The following ATP2B2 variants were observed in gnomAD, a reference collection of about 807,000 sequenced individuals.
The protein encoded by ATP2B2 is ATPase plasma membrane Ca2+ transporting 2.
ATP2B2 carries 15 observed loss-of-function variants against 120.0 expected under a neutral mutation model. The ratio of observed to expected loss-of-function variants is 0.12; its 90% CI spans 0.08 to 0.19. The LOEUF (loss-of-function observed/expected upper bound fraction) is 0.19. Among genes scored for constraint, ATP2B2 ranks in the 10% least tolerant of loss-of-function variants. The pLI, the probability that ATP2B2 is intolerant of heterozygous loss-of-function variation, is 1.00. For missense variants in ATP2B2, 1,045 were observed against 1,719.8 expected (o/e 0.61, Z 6.94); for synonymous variants, 694 against 700.3 (o/e 0.99, Z 0.14).
chr3:10,598,947 A>C (rs1467991490), intron 2 of ATP2B2, among the ~76,000 whole-genome samples: 2 of 152,330 alleles, frequency 1.3e-5, no homozygotes, highest in East Asian at 3.9e-4. Context: ...CCCTTCAGGG[A>C]AAAGCATATC....
intron 3 of ATP2B2, among the ~76,000 whole-genome samples, chr3:10,532,767 A>G (rs1014618): frequency 0.54 from 82,748 of 152,120 alleles, 22,916 homozygotes; most frequent in East Asian, 0.85. Context: ...CTGAACAGGG[A>G]GGCATGTGGC....
chr3:10,406,954 C>T (rs1044025923), intron 3 of ATP2B2, among the ~76,000 whole-genome samples: 29 of 152,234 alleles, frequency 1.9e-4, no homozygotes, highest in African/African-American at 5.8e-4. Context: ...CTCGGGAAGA[C>T]GTGTCTTCTG....
chr3:10,668,247 A>G (rs945564631), intron 1 of ATP2B2, among the ~76,000 whole-genome samples: 1 of 152,138 alleles, frequency 6.6e-6, no homozygotes, highest in Admixed American at 6.5e-5. Context: ...TATAGGTCTC[A>G]TTGTTGTCAC....
chr3:10,344,666 G>A (rs1165494888), intron 18 of ATP2B2, among the ~76,000 whole-genome samples: 3 of 152,218 alleles, frequency 2.0e-5, no homozygotes, highest in Non-Finnish European at 4.4e-5. Context: ...AGTATCAGGA[G>A]ACTGCAAGAA....
At position 10,328,722 on chromosome 3, in the gene ATP2B2, T is replaced by C; in HGVS notation, c.*92A>G. ...TTTCCGATTGTTGCTCGTTGCTGCT[T>C]GGGTGAGTTGGGTGCCTGGATGGAT... On this transcript the variant is annotated 3_prime_UTR_variant, in exon 23 of 23. Transcript: ENST00000360273. The C allele has an allele frequency of 2.3e-6, 3 of 1,323,768 alleles. No homozygotes were observed. The highest frequency in any genetic ancestry group is 3.1e-6 in the Non-Finnish European group (3 of 968,624). 82.0% of individuals were successfully genotyped at this position (1,323,768 alleles called of 1,614,324 possible).
At chr3:10,642,752 G>T (rs1575586491) in intron 1 of ATP2B2, among the ~76,000 whole-genome samples, 1 of 151,488 alleles carries the variant, frequency 6.6e-6, no homozygotes, top group South Asian at 2.1e-4. Flanking sequence ...TCCCTGCCAT[G>T]GTGGGCTGGA....
At chr3:10,583,118 C>A (rs1396332461) in intron 2 of ATP2B2, among the ~76,000 whole-genome samples, 1 of 152,206 alleles carries the variant, frequency 6.6e-6, no homozygotes, top group Non-Finnish European at 1.5e-5. Flanking sequence ...CCTCGGTTTG[C>A]TCAACTGTTG....
intron 14 of ATP2B2, among the ~76,000 whole-genome samples, chr3:10,352,634 C>A (rs3774186): frequency 0.33 from 50,360 of 151,726 alleles, 9,643 homozygotes; most frequent in South Asian, 0.53. Context: ...TTGGGGGCCA[C>A]GTGAGCAAGG....
Position 10,329,203 on chromosome 3 carries a change from TGGG to T in ATP2B2, c.3421-81_3421-79del. Reference sequence around the variant, plus strand: ...TCGGGGGGCTCACAGGAGGGGCGGGTGGGAGAAGGGTTAGGGCAAAGCAGGTGG... The same window carrying T: ...TCGGGGGGCTCACAGGAGGGGCGGGTAGAAGGGTTAGGGCAAAGCAGGTGG... On this transcript the variant is annotated intron_variant, in intron 22 of 22. Coordinates refer to ENST00000360273, the MANE Select transcript of ATP2B2 (RefSeq NM_001001331.4). The surrounding 1 kb of genome is among the most constrained non-coding windows in gnomAD (Gnocchi z 5.9). 1.4e-6 allele frequency: 1 copy of T among 719,446 alleles called. No individual in the cohort carries two copies. 44.6% of individuals were successfully genotyped at this position (719,446 alleles called of 1,614,324 possible).
chr3:10,540,463 C>T (rs897082435), intron 2 of ATP2B2, among the ~76,000 whole-genome samples: 6 of 152,088 alleles, frequency 3.9e-5, no homozygotes, highest in African/African-American at 1.4e-4. Context: ...AGACTTGGAA[C>T]CAACCCAAAT....
intron 12 of ATP2B2, among the ~76,000 whole-genome samples, chr3:10,365,757 G>C (rs568078238): frequency 1.6e-4 from 9 of 55,470 alleles, no homozygotes; most frequent in African/African-American, 5.7e-4. Context: ...TGTGTGGCAG[G>C]TGTGTTGTGC....
intron 1 of ATP2B2, among the ~76,000 whole-genome samples, chr3:10,647,475 G>T (rs1575590048): frequency 6.6e-6 from 1 of 152,212 alleles, no homozygotes; most frequent in Admixed American, 6.5e-5. Context: ...AGATTTTCAT[G>T]AATAAGAGGA....
chr3:10,532,704 T>C (rs1164655078), intron 3 of ATP2B2, among the ~76,000 whole-genome samples: 1 of 152,244 alleles, frequency 6.6e-6, no homozygotes, highest in African/African-American at 2.4e-5. Flanking sequence ...CCAAAGTGCT[T>C]GGGCAAGAAA....
chr3:10,596,280 G>A (rs1478574991), intron 2 of ATP2B2, among the ~76,000 whole-genome samples: 1 of 152,218 alleles, frequency 6.6e-6, no homozygotes, highest in East Asian at 1.9e-4. Flanking sequence ...TGATTTAGTA[G>A]TGCATTTTCT....
intron 1 of ATP2B2, among the ~76,000 whole-genome samples, chr3:10,464,275 G>A (rs1463100167): frequency 6.6e-6 from 1 of 152,142 alleles, no homozygotes; most frequent in Non-Finnish European, 1.5e-5. Flanking sequence ...TGGGGGTGGG[G>A]GCTGCTAGCT....
At chr3:10,338,078 C>A (rs2060174341) in intron 22 of ATP2B2, 98 bp downstream of exon 22, 6 of 1,533,840 alleles carry the variant, frequency 3.9e-6, no homozygotes, top group Non-Finnish European at 3.6e-6. Context: ...TCCCTCAGCA[C>A]CAGAGCTGGG....
chr3:10,377,829 C>T (rs1445191456), intron 10 of ATP2B2, among the ~76,000 whole-genome samples: 1 of 152,224 alleles, frequency 6.6e-6, no homozygotes, highest in Non-Finnish European at 1.5e-5. Flanking sequence ...GGCCCTGCAC[C>T]CTCTCCAGCT....
chr3:10,685,515 AGT>A (rs916574095), intron 1 of ATP2B2, among the ~76,000 whole-genome samples: 2 of 150,952 alleles, frequency 1.3e-5, no homozygotes, highest in South Asian at 2.1e-4. Context: ...AGAGAGAGAG[AGT>A]GTGTGTATGT....
chr3:10,707,529 A>C (rs1335038425), intron 1 of ATP2B2, among the ~76,000 whole-genome samples: 1 of 152,194 alleles, frequency 6.6e-6, no homozygotes, highest in Non-Finnish European at 1.5e-5. Context: ...CAGGTGGGGA[A>C]GTCGGAGCCA....
Sources: gnomAD v4.1 joint callset for allele counts (sites outside exome capture counted in the v4.1 genomes callset) on GRCh38, gnomAD v4.1.1 for gene constraint, Gnocchi (gnomAD v3.1) non-coding constraint, MANE v1.5 for transcripts, NCBI Gene and HGNC (gene_info 2026-07-23, HGNC 2026-07-21) for gene names.